The following CDC42SE2 variants were observed in gnomAD, a reference collection of about 807,000 sequenced individuals.
The protein encoded by CDC42SE2 is CDC42 small effector protein 2.
Under a neutral mutation model 11.5 loss-of-function variants are expected in CDC42SE2, and 3 were observed. The observed-to-expected ratio is 0.26, with a 90% CI of 0.12 to 0.67. CDC42SE2 has a LOEUF of 0.67. Among genes scored for constraint, CDC42SE2 ranks in the 30% least tolerant of loss-of-function variants. The pLI, the probability that CDC42SE2 is intolerant of heterozygous loss-of-function variation, is 0.80. For missense variants in CDC42SE2, 82 were observed against 106.8 expected (o/e 0.77, Z 1.02); for synonymous variants, 33 against 34.8 (o/e 0.95, Z 0.18).
At chr5:131,214,994 CT>C in the CDC42SE2 span, among the ~76,000 whole-genome samples, 1 of 152,214 alleles carries the variant, frequency 6.6e-6, no homozygotes, top group Non-Finnish European at 1.5e-5. Context: ...AACTGTAAAG[CT>C]GAGTGTTTCT....
At chr5:131,316,434 C>G (rs1316934839) in intron 2 of CDC42SE2, among the ~76,000 whole-genome samples, 1 of 152,154 alleles carries the variant, frequency 6.6e-6, no homozygotes, top group South Asian at 2.1e-4. Context: ...AATATTCAGC[C>G]AGCGCTGAAA....
At chr5:131,257,629 C>G (rs1401252285) in intron 2 of CDC42SE2, among the ~76,000 whole-genome samples, 1 of 151,818 alleles carries the variant, frequency 6.6e-6, no homozygotes, top group African/African-American at 2.4e-5. Context: ...AGGTGCGCAC[C>G]ACCATGCCTG....
intron 3 of CDC42SE2, among the ~76,000 whole-genome samples, chr5:131,384,867 A>G (rs1190944687): frequency 1.4e-5 from 2 of 146,774 alleles, no homozygotes; most frequent in Non-Finnish European, 3.0e-5. Context: ...GGATTGCTTG[A>G]GCCCAGTTAA....
chr5:131,230,769 T>C, the CDC42SE2 span, among the ~76,000 whole-genome samples: 1 of 152,198 alleles, frequency 6.6e-6, no homozygotes, highest in African/African-American at 2.4e-5. Flanking sequence ...GGAGTTTCTG[T>C]CTATTCGTAG....
At chr5:131,337,678 C>T (rs1273533771) in intron 2 of CDC42SE2, among the ~76,000 whole-genome samples, 3 of 152,222 alleles carry the variant, frequency 2.0e-5, no homozygotes, top group African/African-American at 7.2e-5. Flanking sequence ...GCGGGCACCC[C>T]TCCCCCAGCC....
chr5:131,295,948 GT>G (rs1283287976), intron 1 of CDC42SE2, among the ~76,000 whole-genome samples: 5 of 152,082 alleles, frequency 3.3e-5, no homozygotes, highest in Non-Finnish European at 7.4e-5. Flanking sequence ...GCCTCCCAAA[GT>G]GCTGGGATTA....
At chr5:131,278,715 C>T (rs1321951260) in intron 1 of CDC42SE2, among the ~76,000 whole-genome samples, 2 of 52,846 alleles carry the variant, frequency 3.8e-5, no homozygotes, top group African/African-American at 8.8e-5. Context: ...CTTTCCTCTC[C>T]CCTCCCCTCC....
At chr5:131,326,767 T>G (rs962364272) in intron 2 of CDC42SE2, among the ~76,000 whole-genome samples, 1 of 152,116 alleles carries the variant, frequency 6.6e-6, no homozygotes, top group Non-Finnish European at 1.5e-5. Context: ...AATTTTGTTA[T>G]ATTTATTTTT....
At chr5:131,233,626 CA>C in the CDC42SE2 span, among the ~76,000 whole-genome samples, 2 of 152,300 alleles carry the variant, frequency 1.3e-5, no homozygotes, top group South Asian at 4.1e-4. Flanking sequence ...CCTGGCCTCC[CA>C]AAGTGCTGGG....
intron 2 of CDC42SE2, among the ~76,000 whole-genome samples, chr5:131,332,800 C>A (rs1362095461): frequency 2.0e-5 from 3 of 152,166 alleles, no homozygotes; most frequent in South Asian, 2.1e-4. Flanking sequence ...CCTTTGCCCA[C>A]TTTTTGATGG....
intron 2 of CDC42SE2, among the ~76,000 whole-genome samples, chr5:131,350,027 T>G (rs1031853999): frequency 6.6e-6 from 1 of 152,086 alleles, no homozygotes; most frequent in African/African-American, 2.4e-5. Context: ...AATATCCTGA[T>G]TAATGTCAAC....
intron 1 of CDC42SE2, among the ~76,000 whole-genome samples, chr5:131,293,203 G>T (rs184030949): frequency 6.6e-6 from 1 of 152,194 alleles, no homozygotes; most frequent in African/African-American, 2.4e-5. Flanking sequence ...TAGTGCTCTT[G>T]TAAAAGAGAC....
Position 131,336,443 on chromosome 5 carries a change from C to T in CDC42SE2, c.-286+20299C>T, listed in dbSNP as rs541294005. 5.5e-4 allele frequency among the ~76,000 whole-genome samples: 83 copies of T among 152,142 alleles called. 2 individuals carry two copies. Among genetic ancestry groups the T allele is most frequent in the Admixed American group, 4.5e-3 (69 of 15,260 alleles). ...TCAACTTTGATGAATCTGACAATTA[C>T]GTGTCTTGGAGTTGCTCTTCTCGAG... On this transcript the variant is annotated intron_variant, in intron 2 of 4. Coordinates refer to ENST00000505065, the MANE Select transcript of CDC42SE2 (RefSeq NM_001375635.1).
chr5:131,306,559 C>T (rs1757782208), intron 1 of CDC42SE2, among the ~76,000 whole-genome samples: 1 of 152,044 alleles, frequency 6.6e-6, no homozygotes, highest in Non-Finnish European at 1.5e-5. Flanking sequence ...CTCAAGATTG[C>T]TTTGTCTGTT....
chr5:131,349,463 C>G (rs1758946280), intron 2 of CDC42SE2, among the ~76,000 whole-genome samples: 1 of 152,162 alleles, frequency 6.6e-6, no homozygotes, highest in African/African-American at 2.4e-5. Context: ...ACGTTGTGCT[C>G]ATGTACACTA....
rs1017629347 is a variant in CDC42SE2, at chr5:131,390,844, ATTGT to A, written c.157-144_157-141del. 1.3e-4 allele frequency: 57 copies of A among 424,112 alleles called. 1 individual carries two copies. Among genetic ancestry groups the A allele is most frequent in the Middle Eastern group, 6.9e-4 (1 of 1,458 alleles). 26.3% of individuals were successfully genotyped at this position (424,112 alleles called of 1,614,324 possible). A position where few individuals can be genotyped will look rare whatever the true frequency, so the allele number is the denominator to read the frequency against. On this transcript the variant is annotated intron_variant, in intron 4 of 4. Coordinates refer to ENST00000505065, the MANE Select transcript of CDC42SE2 (RefSeq NM_001375635.1). ...CCCTGTTTGTCCTTATAACTAGAAAATTGTTTGTCTATAAAAAAATTTTTGTCTA... is the reference window on the plus strand; with the variant it reads ...CCCTGTTTGTCCTTATAACTAGAAAATTGTCTATAAAAAAATTTTTGTCTA...
intron 1 of CDC42SE2, among the ~76,000 whole-genome samples, chr5:131,314,289 T>C (rs189616999): frequency 6.6e-6 from 1 of 151,684 alleles, no homozygotes; most frequent in East Asian, 1.9e-4. Context: ...TGGAGTTCAG[T>C]GGCACAATCA....
At chr5:131,224,775 T>C in the CDC42SE2 span, among the ~76,000 whole-genome samples, 1 of 150,946 alleles carries the variant, frequency 6.6e-6, no homozygotes. Context: ...CTTTTAAGAG[T>C]GAAGCGTGCT....
At chr5:131,210,184 T>C in the CDC42SE2 span, among the ~76,000 whole-genome samples, 5 of 152,208 alleles carry the variant, frequency 3.3e-5, no homozygotes, top group Admixed American at 6.5e-5. Context: ...TAAACCTCTT[T>C]TCTTTATGAA....
Sources: gnomAD v4.1 joint callset for allele counts (sites outside exome capture counted in the v4.1 genomes callset) on GRCh38, gnomAD v4.1.1 for gene constraint, MANE v1.5 for transcripts, NCBI Gene and HGNC (gene_info 2026-07-23, HGNC 2026-07-21) for gene names.